Variants in NODAL observed in about 807,000 individuals in gnomAD.
The protein encoded by NODAL is nodal homolog.
NODAL carries 12 observed loss-of-function variants against 34.0 expected under a neutral mutation model. The observed-to-expected ratio is 0.35, with a 90% CI of 0.23 to 0.57. The LOEUF (loss-of-function observed/expected upper bound fraction) is 0.57, where lower values mean the gene tolerates loss of function less well. Ranked by LOEUF, NODAL falls within the 20% of genes least tolerant of loss-of-function variation. NODAL has a pLI of 0.83. For missense variants in NODAL, 390 were observed against 444.2 expected (o/e 0.88, Z 1.10); for synonymous variants, 162 against 186.4 (o/e 0.87, Z 1.07).
In NODAL at chr10:70,435,312, G is replaced by A; in HGVS notation, c.865C>T (p.His289Tyr). 6.2e-7 allele frequency: 1 copy of A among 1,612,896 alleles called. No individual in the cohort carries two copies. The highest frequency in any genetic ancestry group is 1.1e-5 in the South Asian group (1 of 90,756). Reference protein sequence around the residue: ...ECPNPVGEEFHPTNHAYIQSL... With the variant: ...ECPNPVGEEFYPTNHAYIQSL... ...TGGATGTATGCATGGTTGGTCGGATGAAACTCCTCCCCAACAGGATTAGGA... is the reference window on the plus strand; with the variant it reads ...TGGATGTATGCATGGTTGGTCGGATAAAACTCCTCCCCAACAGGATTAGGA... Residue 289 changes from histidine to tyrosine, a missense_variant, in exon 2 of 3, where the codon CAT becomes TAT. Transcript: ENST00000287139.
At position 70,435,608 on chromosome 10, in the gene NODAL, G is replaced by A; in HGVS notation, c.569C>T (p.Thr190Ile). ...CWPRPPTPPA[T>I]NVLLMLYSNL... ...GGAGTAGAGCATAAGGAGCACATTG[G>A]TGGCAGGCGGTGTGGGGGGCCGCGG... The change falls in exon 2 of 3, where the codon ACC becomes ATC. Residue 190 changes from threonine to isoleucine, a missense_variant. By Grantham distance (89) the Thr-to-Ile change is moderately conservative. Transcript: ENST00000287139. 2.5e-6 allele frequency: 4 copies of A among 1,613,992 alleles called. No homozygotes were observed. Among genetic ancestry groups the A allele is most frequent in the Non-Finnish European group, 3.4e-6 (4 of 1,179,948 alleles).
Position 70,438,169 on chromosome 10 carries a change from C to T in NODAL, c.194-2186G>A, listed in dbSNP as rs191725891. Among the ~76,000 whole-genome samples the T allele has an allele frequency of 4.6e-3, 704 of 152,186 alleles. 2 individuals carry two copies. Among genetic ancestry groups the T allele is most frequent in the African/African-American group, 0.016 (669 of 41,520 alleles). Reference sequence around the variant, plus strand: ...ATTAGCCAGGCATGGTGGTGCACACCTGTAATCCCAGCTACTTGAGAGGCA... The same window carrying T: ...ATTAGCCAGGCATGGTGGTGCACACTTGTAATCCCAGCTACTTGAGAGGCA... On this transcript the variant is annotated intron_variant, in intron 1 of 2. Coordinates refer to ENST00000287139, the MANE Select transcript of NODAL (RefSeq NM_018055.5).
chr10:70,436,564 A>AAAAAAC (rs1845358066), intron 1 of NODAL: 1 of 157,474 alleles, frequency 6.4e-6, no homozygotes, highest in African/African-American at 2.4e-5. Context: ...GTCTCAAAAA[A>AAAAAAC]AAAAAAAAAA....
At chr10:70,433,829 G>T (rs1845303703) in intron 2 of NODAL, among the ~76,000 whole-genome samples, 1 of 152,214 alleles carries the variant, frequency 6.6e-6, no homozygotes, top group African/African-American at 2.4e-5. Context: ...GCCAGAGAAG[G>T]ACAGAGAGAG....
upstream of NODAL, among the ~76,000 whole-genome samples, chr10:70,445,626 C>A (rs932897183): frequency 9.9e-5 from 15 of 152,190 alleles, no homozygotes; most frequent in Non-Finnish European, 2.1e-4. Flanking sequence ...ACCTAATGCA[C>A]CAGACATTCT....
intron 1 of NODAL, chr10:70,447,855 G>A: frequency 2.1e-6 from 1 of 471,008 alleles, no homozygotes; most frequent in Non-Finnish European, 4.4e-6. Context: ...CTGTTTGCTG[G>A]AATCTGCAAC....
At chr10:70,436,683 A>G (rs962873030) in intron 1 of NODAL, 4 of 153,022 alleles carry the variant, frequency 2.6e-5, no homozygotes, top group Non-Finnish European at 4.4e-5. Context: ...GTCACCCTCT[A>G]CCCACCCCCC....
chr10:70,438,558 A>G lies in NODAL; in HGVS notation c.194-2575T>C, dbSNP rs975896087. On this transcript the variant is annotated intron_variant, in intron 1 of 2. Transcript: ENST00000287139. Reference sequence around the variant, plus strand: ...ATGCCCAGCACAACCAAAGTTCAATAAACATTGGCCATCATCAGCTGCCTC... The same window carrying G: ...ATGCCCAGCACAACCAAAGTTCAATGAACATTGGCCATCATCAGCTGCCTC... 2.0e-5 allele frequency among the ~76,000 whole-genome samples: 3 copies of G among 152,344 alleles called. No individual in the cohort carries two copies. The East Asian group carries it at 5.8e-4, about 29-fold the overall frequency.
At position 70,432,936 on chromosome 10, in the gene NODAL, T is replaced by G; in HGVS notation, c.1044A>C (p.Ter348CysextTer1). The G allele has an allele frequency of 4.3e-6, 7 of 1,614,176 alleles. No individual in the cohort carries two copies. The highest frequency in any genetic ancestry group is 5.9e-6 in the Non-Finnish European group (7 of 1,180,032). ...DMIVEECGCL[*>C] is the part of the protein sequence containing the mutation. Reference sequence around the variant, plus strand: ...AATCCAGTCTCCCTCCAGGATGTCATCAGAGGCACCCACATTCTTCCACGA... The same window carrying G: ...AATCCAGTCTCCCTCCAGGATGTCAGCAGAGGCACCCACATTCTTCCACGA... The change falls in exon 3 of 3, where the codon TGA becomes TGC. Residue 348 changes from the stop codon to cysteine (C), a stop_lost. Transcript: ENST00000287139.
upstream of NODAL, among the ~76,000 whole-genome samples, chr10:70,445,423 A>G (rs1845478569): frequency 6.6e-6 from 1 of 151,832 alleles, no homozygotes; most frequent in South Asian, 2.1e-4. Flanking sequence ...ACGCCCGGCT[A>G]ATTTTTTGTA....
upstream of NODAL, among the ~76,000 whole-genome samples, chr10:70,442,042 G>A (rs915728546): frequency 2.6e-5 from 4 of 152,154 alleles, no homozygotes; most frequent in Non-Finnish European, 5.9e-5. Flanking sequence ...TGGGATCCCT[G>A]CCCCATCCTC....
chr10:70,440,689 G>C (rs1845419498), intron 1 of NODAL, among the ~76,000 whole-genome samples: 1 of 152,158 alleles, frequency 6.6e-6, no homozygotes, highest in Non-Finnish European at 1.5e-5. Flanking sequence ...CCAGGTCCTC[G>C]AGGGCGATAC....
At position 70,432,739 on chromosome 10, in the gene NODAL, C is replaced by A; in HGVS notation, c.*197G>T. 1.6e-6 allele frequency: 1 copy of A among 640,696 alleles called. No homozygotes were observed. The highest frequency in any genetic ancestry group is 2.8e-6 in the Non-Finnish European group (1 of 357,808). The allele number at this position is 640,696 out of a possible 1,614,324, so 39.7% of individuals were successfully genotyped here. Reference sequence around the variant, plus strand: ...CAGGCTTCTTCCTCCCTCTTCCTGACAGCAGCCTCTGTGCTTGGCCAGACT... The same window carrying A: ...CAGGCTTCTTCCTCCCTCTTCCTGAAAGCAGCCTCTGTGCTTGGCCAGACT... On this transcript the variant is annotated 3_prime_UTR_variant, in exon 3 of 3. Coordinates refer to ENST00000287139, the MANE Select transcript of NODAL (RefSeq NM_018055.5).
chr10:70,436,461 C>T (rs1339744049), intron 1 of NODAL: 1 of 226,472 alleles, frequency 4.4e-6, no homozygotes, highest in East Asian at 1.0e-4. Context: ...TAATCCCAGC[C>T]ACTCGAGAAT....
chr10:70,441,383 C>T lies in NODAL; in HGVS notation c.193+92G>A, dbSNP rs935256620. The T allele has an allele frequency of 4.2e-6, 6 of 1,427,912 alleles. No individual in the cohort carries two copies. The African/African-American group carries it at 7.1e-5, about 17-fold the overall frequency. 88.5% of individuals were successfully genotyped at this position (1,427,912 alleles called of 1,614,324 possible). A position where few individuals can be genotyped will look rare whatever the true frequency, so the allele number is the denominator to read the frequency against. On this transcript the variant is annotated intron_variant, in intron 1 of 2. Transcript: ENST00000287139. Reference sequence around the variant, plus strand: ...GCAAACCCGGCTCGGAGCCGCAGCCCCCAACCCACAGCACTTCCCGAGTCC... The same window carrying T: ...GCAAACCCGGCTCGGAGCCGCAGCCTCCAACCCACAGCACTTCCCGAGTCC...
At chr10:70,441,782 C>A, upstream of NODAL, 3 of 1,131,672 alleles carry the variant, frequency 2.7e-6, no homozygotes, top group Non-Finnish European at 2.5e-6. Flanking sequence ...ATATAACCCC[C>A]CTCCGGAGGG....
intron 1 of NODAL, among the ~76,000 whole-genome samples, chr10:70,447,763 C>T (rs1845504148): frequency 3.2e-4 from 1 of 3,102 alleles, no homozygotes; most frequent in African/African-American, 6.3e-4. Context: ...ACCAGCCTAC[C>T]AGATTGTGAG....
At chr10:70,446,191 C>T (rs1179154724), upstream of NODAL, among the ~76,000 whole-genome samples, 2 of 152,226 alleles carry the variant, frequency 1.3e-5, no homozygotes, top group Admixed American at 1.3e-4. Flanking sequence ...GTCAGATTCC[C>T]TGACCTGGGA....
chr10:70,439,513 G>C (rs932336402), intron 1 of NODAL, among the ~76,000 whole-genome samples: 4 of 152,170 alleles, frequency 2.6e-5, no homozygotes, highest in Non-Finnish European at 4.4e-5. Context: ...TCTCCTCACT[G>C]TTCCTCTCAT....
Sources: gnomAD v4.1 joint callset for allele counts (sites outside exome capture counted in the v4.1 genomes callset) on GRCh38, gnomAD v4.1.1 for gene constraint, MANE v1.5 for transcripts, NCBI Gene and HGNC (gene_info 2026-07-23, HGNC 2026-07-21) for gene names.